FREM2: variants seen among roughly 807,000 people sequenced by gnomAD.
FREM2 encodes the protein FRAS1 related extracellular matrix 2, also known as FRAS1-related extracellular matrix protein 2.
Under a neutral mutation model 219.9 loss-of-function variants are expected in FREM2, and 119 were observed. That is an observed-to-expected ratio of 0.54 (90% CI 0.47 to 0.63). FREM2 has a LOEUF of 0.63. Ranked by LOEUF, FREM2 falls within the 30% of genes least tolerant of loss-of-function variation. The pLI, the probability that FREM2 is intolerant of heterozygous loss-of-function variation, is 0.00. For synonymous variants in FREM2, 1,562 were observed against 1,522.8 expected (o/e 1.03, Z -0.60); for missense variants, 4,030 against 3,993.6 (o/e 1.01, Z -0.25).
chr13:38,827,126 C>T lies in FREM2; in HGVS notation c.6020-19447C>T, dbSNP rs368574096. ...GAAAAAGTACTATTTAATTTTTTTACAGTACAGATTTTGTATGTGAGTACC... is the reference window on the plus strand; with the variant it reads ...GAAAAAGTACTATTTAATTTTTTTATAGTACAGATTTTGTATGTGAGTACC... On this transcript the variant is annotated intron_variant, in intron 6 of 23. Transcript: ENST00000280481. 3.3e-5 allele frequency among the ~76,000 whole-genome samples: 5 copies of T among 152,032 alleles called. No individual in the cohort carries two copies. The East Asian group carries it at 7.7e-4, about 23-fold the overall frequency.
chr13:38,787,947 A>T (rs1874399136), intron 6 of FREM2, among the ~76,000 whole-genome samples: 1 of 152,060 alleles, frequency 6.6e-6, no homozygotes, highest in Admixed American at 6.6e-5. Context: ...CAGATTGATG[A>T]GTAAGAACAG....
chr13:38,841,330 AGG>A, intron 6 of FREM2, among the ~76,000 whole-genome samples: 1 of 152,292 alleles, frequency 6.6e-6, no homozygotes, highest in East Asian at 1.9e-4. Context: ...TGTGGAGGCA[AGG>A]GGCATGTGCA....
intron 6 of FREM2, among the ~76,000 whole-genome samples, chr13:38,799,389 C>T (rs935618264): frequency 2.6e-5 from 4 of 151,972 alleles, no homozygotes; most frequent in South Asian, 4.1e-4. Context: ...AACATATGGT[C>T]TATCCTGAAG....
At chr13:38,723,623 G>A (rs938769462) in intron 2 of FREM2, among the ~76,000 whole-genome samples, 2 of 152,162 alleles carry the variant, frequency 1.3e-5, no homozygotes, top group African/African-American at 4.8e-5. Flanking sequence ...TGTTTATTGA[G>A]TTCTTTCTAT....
In FREM2 at chr13:38,876,446, T is replaced by TTAAAA. The variant is rs1555274159; in HGVS notation, c.8544+64_8544+65insTAAAA. 4,315 of 1,108,676 alleles carry TTAAAA rather than the reference T, an allele frequency of 3.9e-3. 4 individuals carry two copies. Among genetic ancestry groups the TTAAAA allele is most frequent in the Middle Eastern group, 0.016 (72 of 4,586 alleles). The allele number at this position is 1,108,676 out of a possible 1,614,324, so 68.7% of individuals were successfully genotyped here. A position where few individuals can be genotyped will look rare whatever the true frequency, so the allele number is the denominator to read the frequency against. Reference sequence around the variant, plus strand: ...TCCCACTTTGTTTTTCATTTATTAGTAAAAAAAAAAAAAATCCACACGTGA... The same window carrying TTAAAA: ...TCCCACTTTGTTTTTCATTTATTAGTTAAAAAAAAAAAAAAAAAATCCACACGTGA... On this transcript the variant is annotated intron_variant, in intron 20 of 23. Transcript: ENST00000280481.
chr13:38,739,555 A>G (rs1349800386), intron 2 of FREM2, among the ~76,000 whole-genome samples: 1 of 152,144 alleles, frequency 6.6e-6, no homozygotes, highest in Admixed American at 6.5e-5. Context: ...TTCTTCCTAG[A>G]AAGTATGAGC....
At chr13:38,784,525 A>C (rs1874246255) in intron 5 of FREM2, 32 bp from the exon 6 acceptor site, 1 of 1,612,592 alleles carries the variant, frequency 6.2e-7, no homozygotes, top group Non-Finnish European at 8.5e-7. Context: ...TATGTTCTAC[A>C]TAAAAATCTT....
chr13:38,841,716 C>G (rs1481384000), intron 6 of FREM2, among the ~76,000 whole-genome samples: 2 of 152,124 alleles, frequency 1.3e-5, no homozygotes, highest in Admixed American at 6.5e-5. Context: ...CTGCCACTGC[C>G]TGATGCTAAG....
chr13:38,714,479 TG>T (rs1344721027), intron 2 of FREM2, among the ~76,000 whole-genome samples: 1 of 152,174 alleles, frequency 6.6e-6, no homozygotes, highest in African/African-American at 2.4e-5. Flanking sequence ...AGGGGAATGT[TG>T]GTGAAAGGAT....
rs767487860 is a variant in FREM2, at chr13:38,864,311, A to G, written c.7688A>G (p.Asn2563Ser). Residue 2563 changes from asparagine (N) to serine (S), a missense_variant, in exon 16 of 24, where the codon AAC becomes AGC. Physicochemically the swap from Asn to Ser is conservative, Grantham distance 46. Around this residue, in one of 2 missense-constraint regions of FREM2, gnomAD observed 928 missense variants for 1,042.9 expected, o/e 0.89. Transcript: ENST00000280481. ...LPVISTRELS[N>S]FELTLSPDGT... ...GTGATCTCCACTAGAGAGCTTTCCAACTTTGAGCTCACCCTCAGCCCTGAT... is the reference window on the plus strand; with the variant it reads ...GTGATCTCCACTAGAGAGCTTTCCAGCTTTGAGCTCACCCTCAGCCCTGAT... The G allele has an allele frequency of 7.4e-6, 12 of 1,614,094 alleles. No individual in the cohort carries two copies. In the African/African-American group the frequency reaches 1.1e-4, roughly 14 times the overall value.
chr13:38,794,593 A>AAC (rs1874694474), intron 6 of FREM2, among the ~76,000 whole-genome samples: 1 of 151,854 alleles, frequency 6.6e-6, no homozygotes, highest in Non-Finnish European at 1.5e-5. Context: ...AATTTTATTA[A>AAC]TGTCTAAGCT....
Position 38,689,143 on chromosome 13 carries a change from T to A in FREM2, c.1799T>A (p.Leu600Gln). 6.2e-7 allele frequency: 1 copy of A among 1,613,908 alleles called. No individual in the cohort carries two copies. The highest frequency in any genetic ancestry group is 1.1e-5 in the South Asian group (1 of 91,084). The stretch of plus-strand genomic sequence containing the variant: ...GATGATTCTCTGCTGCTTTTTGTGC[T>A]GGAGTCACCCTTCTTAACTACGGGG... ...DSDDSLLLFVLESPFLTTGHL... is the reference protein window; with the variant it reads ...DSDDSLLLFVQESPFLTTGHL... Residue 600 changes from leucine (L) to glutamine (Q), a missense_variant, in exon 1 of 24, where the codon CTG (leucine) becomes CAG (glutamine). By Grantham distance (113) the Leu-to-Gln change is moderately radical. This residue lies in a region of FREM2 where 3,102 missense variants were observed against 2,950.7 expected (regional missense o/e 1.05). Transcript: ENST00000280481.
chr13:38,832,109 G>A lies in FREM2; in HGVS notation c.6020-14464G>A, dbSNP rs896289952. ...GCAGGTGGATCACTTGAGGTCAGGA[G>A]TTCAAGACCAGCCTGGCCAACATGG... On this transcript the variant is annotated intron_variant, in intron 6 of 23. Transcript: ENST00000280481. Among the ~76,000 whole-genome samples, 4 of 151,838 alleles carry A rather than the reference G, an allele frequency of 2.6e-5. No individual in the cohort carries two copies. The East Asian group carries it at 5.9e-4, about 22-fold the overall frequency.
chr13:38,820,874 A>T lies in FREM2; in HGVS notation c.6020-25699A>T, dbSNP rs776589233. Among the ~76,000 whole-genome samples, 46 of 152,308 alleles carry T rather than the reference A, an allele frequency of 3.0e-4. No individual in the cohort carries two copies. In the Middle Eastern group the frequency reaches 0.02, roughly 68 times the overall value. ...TGATTATTTTAAGTCTAGAAAATGC[A>T]CTATGCACCTATGGTCTACTGTTGA... On this transcript the variant is annotated intron_variant, in intron 6 of 23. Coordinates refer to ENST00000280481, the MANE Select transcript of FREM2 (RefSeq NM_207361.6).
At position 38,688,189 on chromosome 13, in the gene FREM2, T is replaced by C. The variant is rs1156508537; in HGVS notation, c.845T>C (p.Met282Thr). 9 of 1,613,260 alleles carry C rather than the reference T, an allele frequency of 5.6e-6. No homozygotes were observed. In the African/African-American group the frequency reaches 1.2e-4, roughly 22 times the overall value. Residue 282 changes from methionine to threonine, a missense_variant, in exon 1 of 24, where the codon ATG (methionine) becomes ACG (threonine). Physicochemically the swap from Met to Thr is moderately conservative, Grantham distance 81 (BLOSUM62 -1). Transcript: ENST00000280481. ...TCACCAAACAGGGACTGGATACCCA[T>C]GGTGGTGGAGCTGCGTTCACGAGGG... ...SRSPNRDWIP[M>T]VVELRSRGAP... is the part of the protein sequence containing the mutation.
chr13:38,697,694 C>G lies in FREM2; in HGVS notation c.5174-4C>G, dbSNP rs201668698. 17 of 1,547,500 alleles carry G rather than the reference C, an allele frequency of 1.1e-5. No homozygotes were observed. Among genetic ancestry groups the G allele is most frequent in the Non-Finnish European group, 4.5e-6 (5 of 1,119,504 alleles). ...AATCATCTTGTTTTTTGGTTATTTT[C>G]TAGCTGACATTGATGACATGAAAAT... is the stretch of plus-strand genomic sequence containing the variant. On this transcript the variant is annotated splice_region_variant and splice_polypyrimidine_tract_variant and intron_variant, in intron 1 of 23. Transcript: ENST00000280481.
intron 2 of FREM2, among the ~76,000 whole-genome samples, chr13:38,743,022 T>C (rs537726081): frequency 6.6e-6 from 1 of 152,268 alleles, no homozygotes; most frequent in Admixed American, 6.5e-5. Context: ...AACTTTTCTA[T>C]ATGGATCACT....
At position 38,688,393 on chromosome 13, in the gene FREM2, C is replaced by T; in HGVS notation, c.1049C>T (p.Ser350Phe). Residue 350 changes from serine to phenylalanine, a missense_variant, in exon 1 of 24, where the codon TCT becomes TTT. This residue lies in a region of FREM2 where 3,102 missense variants were observed against 2,950.7 expected (regional missense o/e 1.05). Coordinates refer to ENST00000280481, the MANE Select transcript of FREM2 (RefSeq NM_207361.6). ...PDMLAAEDAE[S>F]PSDLLIFNLT... ...ATGCTGGCAGCCGAGGATGCTGAGT[C>T]TCCCTCTGACCTGTTGATCTTCAAC... 3 of 1,613,992 alleles carry T rather than the reference C, an allele frequency of 1.9e-6. No individual in the cohort carries two copies. The Middle Eastern group carries it at 5.0e-4, about 266-fold the overall frequency.
chr13:38,693,189 A>G (rs1297726276), intron 1 of FREM2, among the ~76,000 whole-genome samples: 1 of 152,254 alleles, frequency 6.6e-6, no homozygotes, highest in Non-Finnish European at 1.5e-5. Flanking sequence ...TAGGATATAC[A>G]TGAAAAAGGA....
Sources: allele counts gnomAD v4.1 joint callset (sites outside exome capture counted in the v4.1 genomes callset), GRCh38; gene constraint gnomAD v4.1.1; regional missense constraint gnomAD v4.1.1; transcripts MANE v1.5; gene names NCBI Gene and HGNC (gene_info 2026-07-23, HGNC 2026-07-21).